The following MAST4 variants were observed in gnomAD, a reference collection of about 807,000 sequenced individuals.
The protein encoded by MAST4 is microtubule-associated serine/threonine-protein kinase 4.
In MAST4, 89 loss-of-function variants were observed where a neutral mutation model predicts 162.7. The observed-to-expected ratio is 0.55, with a 90% CI of 0.46 to 0.65. The LOEUF (loss-of-function observed/expected upper bound fraction) is 0.65, where lower values mean the gene tolerates loss of function less well. Ranked by LOEUF, MAST4 falls within the 30% of genes least tolerant of loss-of-function variation. The pLI is 0.00. For missense variants in MAST4, 3,153 were observed against 3,374.0 expected, an observed-to-expected ratio of 0.93 and a Z score of 1.62; for synonymous variants, 1,479 against 1,361.1, an observed-to-expected ratio of 1.09 and a Z score of -1.91.
At chr5:67,098,546 A>C (rs1169154333) in intron 7 of MAST4, among the ~76,000 whole-genome samples, 1 of 152,176 alleles carries the variant, frequency 6.6e-6, no homozygotes, top group East Asian at 1.9e-4. Flanking sequence ...CTATCAAATG[A>C]TATGATTTAA....
At chr5:67,015,745 A>T (rs1341846363) in intron 4 of MAST4, among the ~76,000 whole-genome samples, 1 of 152,240 alleles carries the variant, frequency 6.6e-6, no homozygotes, top group African/African-American at 2.4e-5. Flanking sequence ...GAGCTGGACG[A>T]TTAACCTCTG....
intron 4 of MAST4, among the ~76,000 whole-genome samples, chr5:66,924,550 C>T (rs761567516): frequency 6.6e-6 from 1 of 151,968 alleles, no homozygotes; most frequent in Non-Finnish European, 1.5e-5. Context: ...TCCGCCACCG[C>T]GTCCACCACC....
intron 3 of MAST4, chr5:66,828,766 C>G (rs1358236024): frequency 1.3e-6 from 2 of 1,565,410 alleles, no homozygotes; most frequent in Non-Finnish European, 1.7e-6. Context: ...CTGCCGGGCT[C>G]TGAATTAGCG....
intron 4 of MAST4, among the ~76,000 whole-genome samples, chr5:66,936,425 C>A (rs1236281605): frequency 1.3e-5 from 2 of 152,200 alleles, no homozygotes; most frequent in African/African-American, 4.8e-5. Flanking sequence ...CTTTTAATCA[C>A]CTGGGTGCAG....
At chr5:67,125,304 C>G (rs955549744) in intron 14 of MAST4, among the ~76,000 whole-genome samples, 16 of 150,786 alleles carry the variant, frequency 1.1e-4, no homozygotes, top group Admixed American at 4.0e-4. Context: ...GCAGAACATG[C>G]AGGTTTGTTA....
chr5:66,856,036 C>T (rs1018619221), intron 3 of MAST4, among the ~76,000 whole-genome samples: 2 of 151,986 alleles, frequency 1.3e-5, no homozygotes, highest in South Asian at 2.1e-4. Flanking sequence ...TGGTGGTGTG[C>T]GCCTGTGGTC....
chr5:66,948,354 A>G (rs995355461), intron 4 of MAST4, among the ~76,000 whole-genome samples: 6 of 152,162 alleles, frequency 3.9e-5, no homozygotes, highest in Admixed American at 1.3e-4. Flanking sequence ...GTTCATATAT[A>G]AAGTCTCTGT....
intron 4 of MAST4, among the ~76,000 whole-genome samples, chr5:66,973,073 G>A (rs1002474847): frequency 4.0e-5 from 6 of 151,772 alleles, no homozygotes; most frequent in African/African-American, 1.5e-4. Flanking sequence ...TTCTCTCTTA[G>A]CCCCTAGATG....
chr5:66,743,538 AC>A (rs1447802491), intron 1 of MAST4, among the ~76,000 whole-genome samples: 2 of 152,218 alleles, frequency 1.3e-5, no homozygotes, highest in African/African-American at 4.8e-5. Context: ...CAGGCCTGGC[AC>A]TGGGTCAGAG....
chr5:67,111,585 C>T (rs903963454), intron 11 of MAST4, among the ~76,000 whole-genome samples: 1 of 152,082 alleles, frequency 6.6e-6, no homozygotes, highest in Admixed American at 6.6e-5. Flanking sequence ...ACTGATAAAT[C>T]CAGGTAGAAT....
chr5:67,015,801 T>A (rs1263910209), intron 4 of MAST4, among the ~76,000 whole-genome samples: 4 of 152,196 alleles, frequency 2.6e-5, no homozygotes, highest in African/African-American at 9.7e-5. Flanking sequence ...GAGGGGCTAT[T>A]TATGAGTCAT....
chr5:67,038,245 T>C (rs1324557855), intron 4 of MAST4, among the ~76,000 whole-genome samples: 2 of 150,684 alleles, frequency 1.3e-5, no homozygotes, highest in African/African-American at 4.9e-5. Flanking sequence ...GTTTCTCTTT[T>C]TTTTTTTTTT....
intron 4 of MAST4, among the ~76,000 whole-genome samples, chr5:66,911,832 C>T (rs1184351957): frequency 6.6e-6 from 1 of 151,998 alleles, no homozygotes; most frequent in Non-Finnish European, 1.5e-5. Context: ...TGAAGATGTC[C>T]TTTATCAGAA....
intron 4 of MAST4, among the ~76,000 whole-genome samples, chr5:66,966,535 C>G (rs548083887): frequency 6.6e-6 from 1 of 152,270 alleles, no homozygotes; most frequent in East Asian, 1.9e-4. Context: ...GATCTTTAAC[C>G]CATGGCCTTC....
chr5:67,147,791 T>C lies in MAST4; in HGVS notation c.3095-1598T>C, dbSNP rs533010941. ...CTGATTTCTGTAAGAGAATGGAATA[T>C]TCTGTTAAATGAGAATGAGTTTAGC... On this transcript the variant is annotated intron_variant, in intron 23 of 28. Coordinates refer to ENST00000403625, the MANE Select transcript of MAST4 (RefSeq NM_001164664.2). 7.2e-5 allele frequency among the ~76,000 whole-genome samples: 11 copies of C among 152,346 alleles called. No homozygotes were observed. The South Asian group carries it at 2.3e-3, about 32-fold the overall frequency.
In MAST4 at chr5:67,059,423, G is replaced by A. The variant is rs138329060; in HGVS notation, c.763+4931G>A. Among the ~76,000 whole-genome samples the A allele has an allele frequency of 4.7e-4, 72 of 152,282 alleles. 2 individuals are homozygous for A. The East Asian group carries it at 0.012, about 26-fold the overall frequency. On this transcript the variant is annotated intron_variant, in intron 5 of 28. Transcript: ENST00000403625. Reference sequence around the variant, plus strand: ...TTCATTTTTGATTGAATAACTAGGGGACTGGAATTTTGAGGAGACCATGGT... The same window carrying A: ...TTCATTTTTGATTGAATAACTAGGGAACTGGAATTTTGAGGAGACCATGGT...
intron 3 of MAST4, among the ~76,000 whole-genome samples, chr5:66,805,685 T>A (rs1400159520): frequency 6.6e-6 from 1 of 152,228 alleles, no homozygotes; most frequent in African/African-American, 2.4e-5. Context: ...CTGATGTGAC[T>A]AGTTCTCTTG....
intron 3 of MAST4, among the ~76,000 whole-genome samples, chr5:66,838,999 G>A (rs1046313662): frequency 6.6e-6 from 1 of 152,150 alleles, no homozygotes; most frequent in Non-Finnish European, 1.5e-5. Flanking sequence ...AAGAAAAGAA[G>A]TAAGATAAAC....
chr5:67,096,203 T>A (rs1160195572), intron 7 of MAST4, among the ~76,000 whole-genome samples: 1 of 152,050 alleles, frequency 6.6e-6, no homozygotes, highest in African/African-American at 2.4e-5. Context: ...TTAAGATAAA[T>A]AAAGACATAG....
Sources: allele counts gnomAD v4.1 joint callset (sites outside exome capture counted in the v4.1 genomes callset), GRCh38; gene constraint gnomAD v4.1.1; transcripts MANE v1.5; gene names NCBI Gene and HGNC (gene_info 2026-07-23, HGNC 2026-07-21).